SEPTIN9: variants seen among roughly 807,000 people sequenced by gnomAD.
SEPTIN9 encodes septin-9.
SEPTIN9 carries 13 observed loss-of-function variants against 56.6 expected under a neutral mutation model. That is an observed-to-expected ratio of 0.23 (90% CI 0.15 to 0.37). SEPTIN9 has a LOEUF of 0.37. Ranked by LOEUF, SEPTIN9 falls within the 10% of genes least tolerant of loss-of-function variation. The pLI is 1.00. For synonymous variants in SEPTIN9, 332 were observed against 334.1 expected, an observed-to-expected ratio of 0.99 and a Z score of 0.07; for missense variants, 650 against 823.1, an observed-to-expected ratio of 0.79 and a Z score of 2.57.
At position 77,485,735 on chromosome 17, in the gene SEPTIN9, G is replaced by A. The variant is rs139661887; in HGVS notation, c.914-1689G>A. Among the ~76,000 whole-genome samples the A allele has an allele frequency of 1.5e-3, 229 of 152,136 alleles. 3 individuals carry two copies. The Middle Eastern group carries it at 0.024, about 16-fold the overall frequency. On this transcript the variant is annotated intron_variant, in intron 4 of 11. Coordinates refer to ENST00000427177, the MANE Select transcript of SEPTIN9 (RefSeq NM_001113491.2). ...GTGTCCGTCCTTGGGCTACTAAACA[G>A]TTCAGGCCAGGGATTCCCAGCACCA...
chr17:77,367,361 C>T lies in SEPTIN9; in HGVS notation c.77-34698C>T, dbSNP rs2034602849. Among the ~76,000 whole-genome samples the T allele has an allele frequency of 6.6e-6, 1 of 152,194 alleles. No homozygotes were observed. Among genetic ancestry groups the T allele is most frequent in the Admixed American group, 6.5e-5 (1 of 15,286 alleles). ...GTGTGTTCTGAACGTCCCCTCTGCC[C>T]CTTTGGGCTCATGCCCCATCAGGAG... On this transcript the variant is annotated intron_variant, in intron 2 of 11. Coordinates refer to ENST00000427177, the MANE Select transcript of SEPTIN9 (RefSeq NM_001113491.2). The surrounding 1 kb of genome is among the most constrained non-coding windows in gnomAD (Gnocchi z 4.5).
Position 77,405,279 on chromosome 17 carries a change from C to A in SEPTIN9, c.721+2576C>A. ...TGCGGGCTCTGCTTTCTGGAGCTCA[C>A]CGAGCCGTGAGCAGGATGGCTGGGA... On this transcript the variant is annotated intron_variant, in intron 3 of 11. Transcript: ENST00000427177. The surrounding 1 kb of genome is among the most constrained non-coding windows in gnomAD (Gnocchi z 5.8). 1 of 697,328 alleles carries A rather than the reference C, an allele frequency of 1.4e-6. No individual in the cohort carries two copies. Among genetic ancestry groups the A allele is most frequent in the South Asian group, 1.8e-5 (1 of 54,302 alleles). The allele number at this position is 697,328 out of a possible 1,614,324, so 43.2% of individuals were successfully genotyped here. A position where few individuals can be genotyped will look rare whatever the true frequency, so the allele number is the denominator to read the frequency against.
At chr17:77,378,718 G>C (rs2035026698) in intron 2 of SEPTIN9, among the ~76,000 whole-genome samples, 1 of 152,176 alleles carries the variant, frequency 6.6e-6, no homozygotes, top group Non-Finnish European at 1.5e-5. Flanking sequence ...AGGTACTCAG[G>C]CTCCCAGTGC....
intron 2 of SEPTIN9, among the ~76,000 whole-genome samples, chr17:77,340,083 C>T (rs2033679363): frequency 6.6e-6 from 1 of 151,920 alleles, no homozygotes; most frequent in Non-Finnish European, 1.5e-5. Flanking sequence ...CCTGCCTTGG[C>T]CTCCCAAAAT....
chr17:77,381,618 C>A (rs74000224), intron 2 of SEPTIN9, among the ~76,000 whole-genome samples: 2 of 152,220 alleles, frequency 1.3e-5, no homozygotes, highest in African/African-American at 4.8e-5. Context: ...CTGCCTCTTG[C>A]CCCCCATTAA....
Position 77,500,391 on chromosome 17 carries a change from T to TGGGGGGGGGGGGGGG in SEPTIN9, c.*1738_*1739insGGGGGGGGGGGGGGG. 1.3e-5 allele frequency: 2 copies of TGGGGGGGGGGGGGGG among 158,902 alleles called. No homozygotes were observed. Among genetic ancestry groups the TGGGGGGGGGGGGGGG allele is most frequent in the Non-Finnish European group, 2.7e-5 (2 of 75,056 alleles). 9.8% of individuals were successfully genotyped at this position (158,902 alleles called of 1,614,324 possible). On this transcript the variant is annotated 3_prime_UTR_variant, in exon 12 of 12. Coordinates refer to ENST00000427177, the MANE Select transcript of SEPTIN9 (RefSeq NM_001113491.2). ...AATGTCACTTGGTGGCGGGGTGGGG[T>TGGGGGGGGGGGGGGG]GGGGGTGGGCAGCAGCATCCCAGCC...
Position 77,402,297 on chromosome 17 carries a change from C to G in SEPTIN9, c.315C>G (p.Ser105=). ...GCCCCAAGGCGGCCGAGCCGGTGTC[C>G]CGGCGCACTGAGCTGTCCATTGACA... The part of the protein sequence containing the change: ...LSGPKAAEPV[S]RRTELSIDIS... The change falls in exon 3 of 12, where the codon TCC becomes TCG. Residue 105 remains serine (S), a synonymous_variant. Transcript: ENST00000427177. The surrounding 1 kb of genome is among the most constrained non-coding windows in gnomAD (Gnocchi z 6.6). 2 of 1,612,738 alleles carry G rather than the reference C, an allele frequency of 1.2e-6. No individual in the cohort carries two copies. Among genetic ancestry groups the G allele is most frequent in the Non-Finnish European group, 1.7e-6 (2 of 1,179,790 alleles).
chr17:77,286,650 C>G (rs2031293784), intron 1 of SEPTIN9, among the ~76,000 whole-genome samples: 1 of 151,960 alleles, frequency 6.6e-6, no homozygotes. Context: ...CCAGGCAGCC[C>G]TGACAGCCCC....
intron 3 of SEPTIN9, chr17:77,466,350 C>G: frequency 2.0e-6 from 2 of 981,432 alleles, no homozygotes; most frequent in Non-Finnish European, 2.4e-6. Context: ...CTTCCCCCTC[C>G]CAGCCTTGGG....
intron 2 of SEPTIN9, among the ~76,000 whole-genome samples, chr17:77,342,433 C>G (rs1309776541): frequency 6.6e-6 from 1 of 152,208 alleles, no homozygotes; most frequent in Non-Finnish European, 1.5e-5. Flanking sequence ...GGTTATCAAT[C>G]TAGATCTTTT....
intron 3 of SEPTIN9, 94 bp from the exon 4 acceptor site, chr17:77,482,050 T>A: frequency 8.1e-7 from 1 of 1,235,714 alleles, no homozygotes; most frequent in Non-Finnish European, 1.1e-6. Flanking sequence ...AGTGCCTCAG[T>A]TTCCCCATCC....
chr17:77,360,628 G>A (rs1342572014), intron 2 of SEPTIN9, among the ~76,000 whole-genome samples: 1 of 151,394 alleles, frequency 6.6e-6, no homozygotes, highest in Non-Finnish European at 1.5e-5. Flanking sequence ...GGAGTGATGC[G>A]ATCTCCGCTC....
Position 77,498,485 on chromosome 17 carries a change from G to T in SEPTIN9, c.1626-38G>T, listed in dbSNP as rs747669267. 1.5e-5 allele frequency: 8 copies of T among 537,380 alleles called. No individual in the cohort carries two copies. In the South Asian group the frequency reaches 1.5e-4, roughly 10 times the overall value. 33.3% of individuals were successfully genotyped at this position (537,380 alleles called of 1,614,324 possible). ...TGCCCCGCTGCCCCCACCCCGCTGCGCCCACCTCACTGACCCGCCCGCCCC... is the reference window on the plus strand; with the variant it reads ...TGCCCCGCTGCCCCCACCCCGCTGCTCCCACCTCACTGACCCGCCCGCCCC... On this transcript the variant is annotated intron_variant, in intron 11 of 11. Transcript: ENST00000427177.
At chr17:77,309,003 T>A (rs2032377665) in intron 2 of SEPTIN9, among the ~76,000 whole-genome samples, 1 of 152,268 alleles carries the variant, frequency 6.6e-6, no homozygotes, top group South Asian at 2.1e-4. Flanking sequence ...GCAGTCATGT[T>A]GGGCACTAAC....
Position 77,310,043 on chromosome 17 carries a change from A to G in SEPTIN9, c.76+2846A>G, listed in dbSNP as rs2032429354. 1.3e-5 allele frequency among the ~76,000 whole-genome samples: 2 copies of G among 151,260 alleles called. No homozygotes were observed. Among genetic ancestry groups the G allele is most frequent in the South Asian group, 4.2e-4 (2 of 4,792 alleles). ...GCCCAGGCTGGAGTGCAGTGGCACC[A>G]TCTCGGCTCACTGCAACCTCTGCCT... is the stretch of plus-strand genomic sequence containing the variant. On this transcript the variant is annotated intron_variant, in intron 2 of 11. Coordinates refer to ENST00000427177, the MANE Select transcript of SEPTIN9 (RefSeq NM_001113491.2). This position sits in a 1 kb window ranked among gnomAD's most constrained non-coding sequence, Gnocchi z 4.7.
At chr17:77,468,766 G>T (rs1359330994) in intron 3 of SEPTIN9, among the ~76,000 whole-genome samples, 1 of 152,142 alleles carries the variant, frequency 6.6e-6, no homozygotes, top group Admixed American at 6.5e-5. Flanking sequence ...TTTTACACAC[G>T]CCCCCTGGTG....
chr17:77,306,617 C>G (rs1195931678), intron 1 of SEPTIN9, among the ~76,000 whole-genome samples: 1 of 152,262 alleles, frequency 6.6e-6, no homozygotes, highest in Admixed American at 6.5e-5. Context: ...ATCCCCAAAT[C>G]CAGCCCGGCT....
intron 1 of SEPTIN9, among the ~76,000 whole-genome samples, chr17:77,290,196 T>C (rs150712759): frequency 7.9e-5 from 12 of 152,216 alleles, no homozygotes; most frequent in African/African-American, 2.6e-4. Context: ...TGCTTATAGC[T>C]TTGGGCCTGG....
At chr17:77,282,686 T>A (rs1251330279) in intron 1 of SEPTIN9, among the ~76,000 whole-genome samples, 1 of 152,190 alleles carries the variant, frequency 6.6e-6, no homozygotes, top group Non-Finnish European at 1.5e-5. Flanking sequence ...AATTTCAACT[T>A]TCACCCGGTT....
Sources: gnomAD v4.1 joint callset for allele counts (sites outside exome capture counted in the v4.1 genomes callset) on GRCh38, gnomAD v4.1.1 for gene constraint, Gnocchi (gnomAD v3.1) non-coding constraint, MANE v1.5 for transcripts, NCBI Gene and HGNC (gene_info 2026-07-23, HGNC 2026-07-21) for gene names.